The following ITIH6 variants were observed in gnomAD, a reference collection of about 807,000 sequenced individuals.
The protein encoded by ITIH6 is inter-alpha-trypsin inhibitor heavy chain family member 6, also known as inter-alpha-trypsin inhibitor heavy chain H6.
Under a neutral mutation model 58.2 loss-of-function variants are expected in ITIH6, and 60 were observed. The ratio of observed to expected loss-of-function variants is 1.03; its 90% confidence interval spans 0.84 to 1.28. The LOEUF is 1.28. Among genes scored for constraint, ITIH6 ranks in the 50% most tolerant of loss-of-function variants. ITIH6 has a pLI of 0.00. For missense variants in ITIH6, 1,290 were observed against 1,021.1 expected (o/e 1.26, Z -3.59); for synonymous variants, 493 against 417.4 (o/e 1.18, Z -2.21).
chrX:54,760,538 C>A (rs962921359), intron 6 of ITIH6, among the ~76,000 whole-genome samples: 2 of 111,473 alleles, frequency 1.8e-5, no homozygotes, highest in Non-Finnish European at 3.8e-5. Flanking sequence ...GTGCTGCACC[C>A]ATTAACTCGT....
chrX:54,752,922 G>T (rs1020670265), intron 11 of ITIH6, among the ~76,000 whole-genome samples: 4 of 112,461 alleles, frequency 3.6e-5, no homozygotes, highest in Non-Finnish European at 5.6e-5. Flanking sequence ...TTTGGGAGAT[G>T]CTCAAGACAT....
chrX:54,797,045 G>T lies in ITIH6; in HGVS notation c.154C>A (p.His52Asn), dbSNP rs1159050868. 1 of 1,209,525 alleles carries T rather than the reference G, an allele frequency of 8.3e-7. No individual in the cohort carries two copies. Among genetic ancestry groups the T allele is most frequent in the Non-Finnish European group, 1.1e-6 (1 of 893,658 alleles). The change falls in exon 2 of 13, where the codon CAC becomes AAC. Residue 52 changes from histidine to asparagine, a missense_variant. His to Asn is a moderately conservative substitution (Grantham distance 68). Coordinates refer to ENST00000218436, the MANE Select transcript of ITIH6 (RefSeq NM_198510.3). Reference sequence around the variant, plus strand: ...AACAGGACAGAGGTGACCAAGGTGTGGGCATAGCGAGACACCACCGTGGAG... The same window carrying T: ...AACAGGACAGAGGTGACCAAGGTGTTGGCATAGCGAGACACCACCGTGGAG... ...MRSTVVSRYA[H>N]TLVTSVLFNP...
intron 6 of ITIH6, among the ~76,000 whole-genome samples, chrX:54,771,511 T>C (rs1481408713): frequency 8.9e-6 from 1 of 112,191 alleles, no homozygotes; most frequent in African/African-American, 3.2e-5. Context: ...TGTTGCAGTA[T>C]TTCTGATATC....
intron 6 of ITIH6, among the ~76,000 whole-genome samples, chrX:54,761,155 T>C (rs1159996815): frequency 8.9e-6 from 1 of 112,271 alleles, no homozygotes; most frequent in Non-Finnish European, 1.9e-5. Flanking sequence ...TGGTATCTCA[T>C]TGTGATTTTG....
intron 5 of ITIH6, among the ~76,000 whole-genome samples, chrX:54,778,834 T>A (rs1020523786): frequency 9.0e-6 from 1 of 111,680 alleles, no homozygotes; most frequent in African/African-American, 3.3e-5. Context: ...CTTTGAGGAA[T>A]TTTATAATCA....
chrX:54,753,337 G>A (rs1177819442), intron 11 of ITIH6, among the ~76,000 whole-genome samples: 1 of 112,616 alleles, frequency 8.9e-6, no homozygotes, highest in Non-Finnish European at 1.9e-5. Context: ...ACTTGATGGA[G>A]CTTATGTTGA....
chrX:54,788,618 G>A lies in ITIH6; in HGVS notation c.648C>T (p.Ile216=), dbSNP rs749178155. 26 of 1,207,684 alleles carry A rather than the reference G, an allele frequency of 2.2e-5. No individual in the cohort carries two copies. In the East Asian group the frequency reaches 4.8e-4, roughly 22 times the overall value. The change falls in exon 5 of 13, where the codon ATC becomes ATT. Residue 216 remains isoleucine, a synonymous_variant. Transcript: ENST00000218436. ...SEVDSPPSTR[I]ERGETCVRIT... is the part of the protein sequence containing the mutation. ...TTCGGACACAGGTCTCTCCCCTCTC[G>A]ATCCTGGTGGATGGGGGTGAATCCA...
intron 6 of ITIH6, among the ~76,000 whole-genome samples, chrX:54,765,395 T>C (rs1426785329): frequency 4.8e-5 from 4 of 83,105 alleles, no homozygotes; most frequent in African/African-American, 1.8e-4. Flanking sequence ...TGGTTTTAGG[T>C]CTAACGTTTA....
In ITIH6 at chrX:54,758,450, T is replaced by C; in HGVS notation, c.1624A>G (p.Ser542Gly). The part of the protein sequence containing the change: ...AHHSEGATNN[S>G]QKAFGCPGEP... The stretch of plus-strand genomic sequence containing the variant: ...CCTGGGCAACCAAAGGCCTTCTGGC[T>C]GTTGTTGGTGGCCCCTTCACTGTGG... The change falls in exon 8 of 13, where the codon AGC becomes GGC. Residue 542 changes from serine to glycine, a missense_variant. Ser to Gly is a moderately conservative substitution (Grantham distance 56). Transcript: ENST00000218436. 1 of 1,209,427 alleles carries C rather than the reference T, an allele frequency of 8.3e-7. No individual in the cohort carries two copies. Among genetic ancestry groups the C allele is most frequent in the Non-Finnish European group, 1.1e-6 (1 of 894,403 alleles).
At chrX:54,763,835 A>G (rs886456207) in intron 6 of ITIH6, among the ~76,000 whole-genome samples, 1 of 112,037 alleles carries the variant, frequency 8.9e-6, no homozygotes, top group Non-Finnish European at 1.9e-5. Flanking sequence ...TTTTTACTTC[A>G]TATATTTTGG....
At chrX:54,768,951 C>T (rs945237294) in intron 6 of ITIH6, among the ~76,000 whole-genome samples, 1 of 109,450 alleles carries the variant, frequency 9.1e-6, no homozygotes, top group Non-Finnish European at 1.9e-5. Flanking sequence ...GGAAGTTCTC[C>T]TGGATAATAT....
intron 4 of ITIH6, 27 bp from the exon 5 acceptor site, chrX:54,788,676 G>A (rs1929289920): frequency 8.6e-7 from 1 of 1,166,814 alleles, no homozygotes. Context: ...GATCGGGGCG[G>A]GGTGGTACAG....
At position 54,757,397 on chromosome X, in the gene ITIH6, G is replaced by T; in HGVS notation, c.2677C>A (p.Pro893Thr). Residue 893 changes from proline (P) to threonine (T), a missense_variant, in exon 8 of 13, where the codon CCA becomes ACA. By Grantham distance (38) the Pro-to-Thr change is conservative. Coordinates refer to ENST00000218436, the MANE Select transcript of ITIH6 (RefSeq NM_198510.3). ...QTPLPPRPDRPRPPLPESLST... is the reference protein window; with the variant it reads ...QTPLPPRPDRTRPPLPESLST... ...AGGCTCTCAGGAAGTGGGGGCCTTGGTCTGTCAGGTCTAGGAGGTAGTGGG... is the reference window on the plus strand; with the variant it reads ...AGGCTCTCAGGAAGTGGGGGCCTTGTTCTGTCAGGTCTAGGAGGTAGTGGG... The T allele has an allele frequency of 1.7e-6, 2 of 1,210,458 alleles. No homozygotes were observed. The highest frequency in any genetic ancestry group is 2.2e-6 in the Non-Finnish European group (2 of 894,898).
chrX:54,780,659 T>TA (rs759123124), intron 5 of ITIH6, among the ~76,000 whole-genome samples: 2 of 109,138 alleles, frequency 1.8e-5, no homozygotes, highest in East Asian at 5.7e-4. Context: ...AAACAACTAA[T>TA]AAAGATTAGA....
chrX:54,761,797 G>A (rs1208158636), intron 6 of ITIH6, among the ~76,000 whole-genome samples: 2 of 111,388 alleles, frequency 1.8e-5, no homozygotes, highest in East Asian at 2.8e-4. Context: ...ATTGGTCTAT[G>A]TCTCTGTTTT....
chrX:54,753,815 G>T, intron 10 of ITIH6, 51 bp from the exon 11 acceptor site: 11 of 1,114,241 alleles, frequency 9.9e-6, no homozygotes, highest in Non-Finnish European at 1.4e-5. Flanking sequence ...ATGGAAGGGA[G>T]AGGGAAAGAG....
intron 8 of ITIH6, 70 bp downstream of exon 8, chrX:54,756,895 A>G: frequency 1.5e-6 from 1 of 668,814 alleles, no homozygotes; most frequent in Non-Finnish European, 2.2e-6. Flanking sequence ...AGCCTTGTAG[A>G]TTCCCAGCTC....
chrX:54,767,223 A>C (rs1180859276), intron 6 of ITIH6, among the ~76,000 whole-genome samples: 1 of 103,432 alleles, frequency 9.7e-6, no homozygotes, highest in Non-Finnish European at 2.0e-5. Flanking sequence ...TTTCTGTGGG[A>C]TCGGTGGTGA....
In ITIH6 at chrX:54,791,947, G is replaced by A. The variant is rs1299867851; in HGVS notation, c.347C>T (p.Thr116Ile). The change falls in exon 3 of 13, where the codon ACA becomes ATA. Residue 116 changes from threonine to isoleucine, a missense_variant. By Grantham distance (89) the Thr-to-Ile change is moderately conservative. Transcript: ENST00000218436. Reference protein sequence around the residue: ...IYEEAHQQGKTAAHVGIRDRE... With the variant: ...IYEEAHQQGKIAAHVGIRDRE... ...TTACCTGATGCCTACATGAGCAGCT[G>A]TCTTTCCCTGCTGATGGGCTTCTTC... 3 of 1,183,513 alleles carry A rather than the reference G, an allele frequency of 2.5e-6. No individual in the cohort carries two copies. The Admixed American group carries it at 6.6e-5, about 26-fold the overall frequency.
Sources: allele counts gnomAD v4.1 joint callset (sites outside exome capture counted in the v4.1 genomes callset), GRCh38; gene constraint gnomAD v4.1.1; transcripts MANE v1.5; gene names NCBI Gene and HGNC (gene_info 2026-07-23, HGNC 2026-07-21).